GRIA3: variants seen among roughly 807,000 people sequenced by gnomAD.
GRIA3 encodes glutamate receptor 3.
Under a neutral mutation model 63.0 loss-of-function variants are expected in GRIA3, and 3 were observed. The observed-to-expected ratio is 0.05, with a 90% CI of 0.02 to 0.12. The LOEUF (loss-of-function observed/expected upper bound fraction) is 0.12, where lower values mean the gene tolerates loss of function less well. Among genes scored for constraint, GRIA3 ranks in the 10% least tolerant of loss-of-function variants. The pLI is 1.00. For missense variants in GRIA3, 347 were observed against 700.9 expected (o/e 0.50, Z 5.70); for synonymous variants, 274 against 257.9 (o/e 1.06, Z -0.60).
chrX:123,204,778 TTGA>T, intron 2 of GRIA3: 1 of 379,336 alleles, frequency 2.6e-6, no homozygotes, highest in Non-Finnish European at 3.9e-6. Context: ...GCACTTCCAG[TTGA>T]TTATTATTAT....
chrX:123,462,561 C>T (rs2045798715), intron 12 of GRIA3, among the ~76,000 whole-genome samples: 2 of 111,651 alleles, frequency 1.8e-5, no homozygotes, highest in Non-Finnish European at 3.8e-5. Flanking sequence ...TCCAGCTGGG[C>T]GAGGTGGCTC....
At chrX:123,325,208 A>C in intron 3 of GRIA3, among the ~76,000 whole-genome samples, 1 of 111,957 alleles carries the variant, frequency 8.9e-6, no homozygotes, top group Non-Finnish European at 1.9e-5. Context: ...AGCATGTAGA[A>C]AACTCTTGTG....
chrX:123,393,215 A>G (rs932590482), intron 5 of GRIA3, among the ~76,000 whole-genome samples: 2 of 112,705 alleles, frequency 1.8e-5, no homozygotes, highest in Admixed American at 1.9e-4. Context: ...GTAATAACTG[A>G]AAAAGCTGTT....
intron 2 of GRIA3, among the ~76,000 whole-genome samples, chrX:123,208,360 T>G (rs1927949494): frequency 8.9e-6 from 1 of 112,423 alleles, no homozygotes; most frequent in Non-Finnish European, 1.9e-5. Flanking sequence ...AGTTAGATCT[T>G]TTGTAAAATG....
intron 1 of GRIA3, among the ~76,000 whole-genome samples, chrX:123,185,526 A>G (rs755596279): frequency 1.9e-5 from 2 of 107,560 alleles, no homozygotes; most frequent in East Asian, 6.0e-4. Flanking sequence ...GGCGACTAAA[A>G]AAAAAGAAGG....
In GRIA3 at chrX:123,369,525, C is replaced by T. The variant is rs1471430279; in HGVS notation, c.750+14562C>T. On this transcript the variant is annotated intron_variant, in intron 5 of 15. Coordinates refer to ENST00000620443, the MANE Select transcript of GRIA3 (RefSeq NM_007325.5). ...TGCTGAGATGATAGGGAGCGTCTGG[C>T]CTCAATTTTCAAAATGTTGTATGCA... 4.5e-5 allele frequency among the ~76,000 whole-genome samples: 5 copies of T among 112,101 alleles called. No individual in the cohort carries two copies. In the Admixed American group the frequency reaches 4.7e-4, roughly 11 times the overall value.
intron 2 of GRIA3, among the ~76,000 whole-genome samples, chrX:123,221,190 T>C (rs1928278402): frequency 8.9e-6 from 1 of 112,183 alleles, no homozygotes. Flanking sequence ...TAAGATAAAA[T>C]TGAAAGTAAA....
At chrX:123,274,562 A>G (rs973865531) in intron 3 of GRIA3, among the ~76,000 whole-genome samples, 2 of 112,592 alleles carry the variant, frequency 1.8e-5, no homozygotes, top group African/African-American at 6.5e-5. Flanking sequence ...CCCATCTGCT[A>G]TGCTATACTG....
intron 7 of GRIA3, among the ~76,000 whole-genome samples, chrX:123,401,861 A>C (rs774990860): frequency 8.9e-5 from 10 of 112,199 alleles, no homozygotes; most frequent in Non-Finnish European, 1.5e-4. Context: ...TTTGAAGCAA[A>C]GTCTTTGACC....
rs2045454264 is a variant in GRIA3 at position 123,403,485 on chromosome X, C to T, written c.1259C>T (p.Ser420Leu). ...CAAATCAGCAATGACAGTGCATCCT[C>T]AGAGAATCGGACCATAGTAGTGACT... Reference protein sequence around the residue: ...DQQISNDSASSENRTIVVTTI... With the variant: ...DQQISNDSASLENRTIVVTTI... The change falls in exon 9 of 16, where the codon TCA (serine) becomes TTA (leucine). Residue 420 changes from serine (S) to leucine (L), a missense_variant. Transcript: ENST00000620443. 8 of 1,180,406 alleles carry T rather than the reference C, an allele frequency of 6.8e-6. No individual in the cohort carries two copies. Among genetic ancestry groups the T allele is most frequent in the Non-Finnish European group, 8.1e-6 (7 of 866,808 alleles).
chrX:123,375,372 A>T (rs1345073815), intron 5 of GRIA3, among the ~76,000 whole-genome samples: 1 of 112,221 alleles, frequency 8.9e-6, no homozygotes, highest in Non-Finnish European at 1.9e-5. Context: ...ATCAATATTT[A>T]TCAGAGATAT....
intron 2 of GRIA3, among the ~76,000 whole-genome samples, chrX:123,242,606 A>G (rs189311614): frequency 7.0e-4 from 79 of 112,622 alleles, no homozygotes; most frequent in African/African-American, 2.4e-3. Context: ...AATTCTGTGG[A>G]TTGATTTGTT....
chrX:123,302,555 T>G (rs184993783), intron 3 of GRIA3, among the ~76,000 whole-genome samples: 115 of 111,412 alleles, frequency 1.0e-3, no homozygotes, highest in Non-Finnish European at 1.6e-3. Flanking sequence ...TGGATCTCGA[T>G]TCTCTCCTAG....
intron 5 of GRIA3, among the ~76,000 whole-genome samples, chrX:123,375,360 G>A (rs994340242): frequency 7.1e-5 from 8 of 111,941 alleles, no homozygotes; most frequent in South Asian, 7.5e-4. Flanking sequence ...AAGGATTTTT[G>A]CATCAATATT....
At chrX:123,278,662 A>G (rs1661210797) in intron 3 of GRIA3, among the ~76,000 whole-genome samples, 3 of 112,281 alleles carry the variant, frequency 2.7e-5, no homozygotes, top group African/African-American at 9.7e-5. Context: ...ATTTGCCAAC[A>G]CCATGTATTA....
At chrX:123,377,793 C>T (rs183748571) in intron 5 of GRIA3, among the ~76,000 whole-genome samples, 264 of 111,817 alleles carry the variant, frequency 2.4e-3, no homozygotes, top group Admixed American at 7.9e-3. Flanking sequence ...TGGTTGTTGT[C>T]TGGGCTCTTG....
chrX:123,284,116 G>A (rs1467352320), intron 3 of GRIA3, among the ~76,000 whole-genome samples: 1 of 112,564 alleles, frequency 8.9e-6, no homozygotes, highest in Non-Finnish European at 1.9e-5. Context: ...AGGGTCTGGA[G>A]TGGACTTCCA....
chrX:123,479,755 C>T (rs756678286), intron 13 of GRIA3, among the ~76,000 whole-genome samples: 5 of 112,133 alleles, frequency 4.5e-5, no homozygotes, highest in Non-Finnish European at 7.5e-5. Context: ...CTGCCGCCGA[C>T]GATTGTCACC....
intron 3 of GRIA3, among the ~76,000 whole-genome samples, chrX:123,283,514 A>G (rs2044599011): frequency 8.9e-6 from 1 of 111,737 alleles, no homozygotes; most frequent in South Asian, 3.8e-4. Context: ...TCTCGCTGCC[A>G]GCACAGCACT....
Sources: gnomAD v4.1 joint callset for allele counts (sites outside exome capture counted in the v4.1 genomes callset) on GRCh38, gnomAD v4.1.1 for gene constraint, MANE v1.5 for transcripts, NCBI Gene and HGNC (gene_info 2026-07-23, HGNC 2026-07-21) for gene names.